The following NFIA variants were observed in gnomAD, a reference collection of about 807,000 sequenced individuals.
NFIA encodes the protein nuclear factor 1 A-type.
NFIA carries 8 observed loss-of-function variants against 62.8 expected under a neutral mutation model. That is an observed-to-expected ratio of 0.13 (90% CI 0.07 to 0.23). The LOEUF (loss-of-function observed/expected upper bound fraction) is 0.23. NFIA is among the 10% of genes least tolerant of loss of function. NFIA has a pLI of 1.00. For missense variants in NFIA, 410 were observed against 642.1 expected (o/e 0.64, Z 3.91); for synonymous variants, 235 against 238.1 (o/e 0.99, Z 0.12).
chr1:61,114,747 C>T (rs1379507165), intron 2 of NFIA, among the ~76,000 whole-genome samples: 1 of 151,988 alleles, frequency 6.6e-6, no homozygotes, highest in Non-Finnish European at 1.5e-5. Context: ...TGCATGGTGA[C>T]TTTTTTCACT....
At chr1:61,120,056 TAA>T (rs1051950133) in intron 2 of NFIA, among the ~76,000 whole-genome samples, 13 of 152,192 alleles carry the variant, frequency 8.5e-5, no homozygotes, top group African/African-American at 3.1e-4. Context: ...AAGGCCAAGG[TAA>T]AGGGATTCAT....
intron 2 of NFIA, among the ~76,000 whole-genome samples, chr1:61,264,653 CA>C (rs1165980251): frequency 0.079 from 4,805 of 60,620 alleles, 588 homozygotes; most frequent in African/African-American, 0.099. Context: ...CTCCACCTTA[CA>C]AAAAAAAAAA....
upstream of NFIA, among the ~76,000 whole-genome samples, chr1:61,079,014 T>C (rs78067427): frequency 0.015 from 2,326 of 152,350 alleles, 63 homozygotes; most frequent in African/African-American, 0.053. Flanking sequence ...TATGGGCTCT[T>C]TCCCTTCTTT....
Position 61,262,753 on chromosome 1 carries a change from A to G in NFIA, c.560-14767A>G, listed in dbSNP as rs147380689. Among the ~76,000 whole-genome samples, 991 of 152,348 alleles carry G rather than the reference A, an allele frequency of 6.5e-3. 9 individuals are homozygous for G. Among genetic ancestry groups the G allele is most frequent in the Non-Finnish European group, 8.2e-3 (559 of 68,030 alleles). On this transcript the variant is annotated intron_variant, in intron 2 of 10. Transcript: ENST00000403491. Reference sequence around the variant, plus strand: ...AAATCATTTGGGCAAAAGTATCAAGAAAGAATTGTCTCAAAGTTACTAAAT... The same window carrying G: ...AAATCATTTGGGCAAAAGTATCAAGGAAGAATTGTCTCAAAGTTACTAAAT...
intron 7 of NFIA, among the ~76,000 whole-genome samples, chr1:61,394,806 G>A (rs1223521970): frequency 1.3e-5 from 2 of 152,130 alleles, no homozygotes; most frequent in Non-Finnish European, 2.9e-5. Flanking sequence ...AGTTCAGGAG[G>A]ATGCCTTGAA....
At chr1:61,367,524 C>A (rs954327606) in intron 6 of NFIA, among the ~76,000 whole-genome samples, 5 of 152,172 alleles carry the variant, frequency 3.3e-5, no homozygotes, top group African/African-American at 1.2e-4. Flanking sequence ...TTGGCACCTG[C>A]CCATTAGAGA....
chr1:61,176,108 C>T (rs1485163808), intron 2 of NFIA, among the ~76,000 whole-genome samples: 1 of 152,100 alleles, frequency 6.6e-6, no homozygotes, highest in Non-Finnish European at 1.5e-5. Context: ...GGGTGTGTTC[C>T]AGCAGTTGTG....
At chr1:61,289,789 G>A (rs1275364608) in intron 3 of NFIA, among the ~76,000 whole-genome samples, 1 of 152,016 alleles carries the variant, frequency 6.6e-6, no homozygotes, top group East Asian at 1.9e-4. Flanking sequence ...CCAGGTATCT[G>A]CCTCAGCCTT....
intron 3 of NFIA, among the ~76,000 whole-genome samples, chr1:61,279,679 G>A (rs551744504): frequency 7.2e-5 from 11 of 152,078 alleles, no homozygotes; most frequent in African/African-American, 1.7e-4. Flanking sequence ...AGGTCTGGCC[G>A]CCCCTCTAGC....
chr1:61,211,254 A>G (rs1011455692), intron 2 of NFIA, among the ~76,000 whole-genome samples: 1 of 152,206 alleles, frequency 6.6e-6, no homozygotes, highest in Non-Finnish European at 1.5e-5. Flanking sequence ...GGAAAATTAC[A>G]GTACCAGAAG....
chr1:61,325,290 G>A lies in NFIA; in HGVS notation c.626-7222G>A, dbSNP rs184091223. Among the ~76,000 whole-genome samples, 91 of 152,258 alleles carry A rather than the reference G, an allele frequency of 6.0e-4. 2 individuals carry two copies. In the East Asian group the frequency reaches 0.013, roughly 22 times the overall value. On this transcript the variant is annotated intron_variant, in intron 3 of 10. Coordinates refer to ENST00000403491, the MANE Select transcript of NFIA (RefSeq NM_001134673.4). ...CACTTTTTTCTTACTTTGCAGTAAA[G>A]TGGAACAATCAGATTAGTGTCATTT...
chr1:61,334,642 T>C (rs1270174514), intron 4 of NFIA, among the ~76,000 whole-genome samples: 3 of 145,324 alleles, frequency 2.1e-5, no homozygotes, highest in Non-Finnish European at 4.5e-5. Flanking sequence ...ATAGTAGCAT[T>C]ATAGGAAAAT....
At chr1:61,093,900 C>T (rs1325286941) in intron 2 of NFIA, among the ~76,000 whole-genome samples, 1 of 152,162 alleles carries the variant, frequency 6.6e-6, no homozygotes, top group African/African-American at 2.4e-5. Flanking sequence ...AAACCACAGC[C>T]TTTGTTGTGG....
intron 2 of NFIA, among the ~76,000 whole-genome samples, chr1:61,096,706 C>T (rs1164628100): frequency 1.3e-5 from 2 of 151,876 alleles, no homozygotes; most frequent in African/African-American, 4.8e-5. Flanking sequence ...GCTCCCACCA[C>T]CACGCCAGGC....
At position 61,082,767 on chromosome 1, in the gene NFIA, A is replaced by G; in HGVS notation, c.-25A>G. On this transcript the variant is annotated 5_prime_UTR_variant, in exon 1 of 11. Transcript: ENST00000403491. ...CTCCAAACCGCACACCCAGACGCAC[A>G]CGCATACCCCAGCGCCCGGCAGTTA... 6.4e-7 allele frequency: 1 copy of G among 1,550,770 alleles called. No individual in the cohort carries two copies. The highest frequency in any genetic ancestry group is 8.7e-7 in the Non-Finnish European group (1 of 1,146,844).
At chr1:61,180,498 G>C (rs2100560366) in intron 2 of NFIA, among the ~76,000 whole-genome samples, 1 of 152,244 alleles carries the variant, frequency 6.6e-6, no homozygotes, top group Non-Finnish European at 1.5e-5. Flanking sequence ...TTTAAGATGG[G>C]GTTGCAGCAC....
At chr1:61,300,182 G>C (rs574820371) in intron 3 of NFIA, among the ~76,000 whole-genome samples, 1 of 152,120 alleles carries the variant, frequency 6.6e-6, no homozygotes, top group Admixed American at 6.5e-5. Context: ...TTCATCTCTG[G>C]ATCATATTTT....
chr1:61,133,720 C>T (rs1647123915), intron 2 of NFIA, among the ~76,000 whole-genome samples: 1 of 152,156 alleles, frequency 6.6e-6, no homozygotes, highest in South Asian at 2.1e-4. Context: ...ACTAGCCCAG[C>T]TATTCAGGAG....
At chr1:61,278,049 A>C (rs1248289470) in intron 3 of NFIA, among the ~76,000 whole-genome samples, 1 of 85,170 alleles carries the variant, frequency 1.2e-5, no homozygotes, top group Non-Finnish European at 2.1e-5. Context: ...CAATTCCTTT[A>C]AGAAAAAAAA....
Sources: allele counts gnomAD v4.1 joint callset (sites outside exome capture counted in the v4.1 genomes callset), GRCh38; gene constraint gnomAD v4.1.1; transcripts MANE v1.5; gene names NCBI Gene and HGNC (gene_info 2026-07-23, HGNC 2026-07-21).